OPCML: variants seen among roughly 807,000 people sequenced by gnomAD.
OPCML encodes opioid binding protein/cell adhesion molecule like.
In OPCML, 13 loss-of-function variants were observed where a neutral mutation model predicts 37.8. The observed-to-expected ratio is 0.34, with a 90% CI of 0.22 to 0.55. OPCML has a LOEUF of 0.55. OPCML is among the 20% of genes least tolerant of loss of function. The pLI, the probability that OPCML is intolerant of heterozygous loss-of-function variation, is 0.91. For synonymous variants in OPCML, 176 were observed against 168.8 expected, an observed-to-expected ratio of 1.04 and a Z score of -0.33; for missense variants, 341 against 435.6, an observed-to-expected ratio of 0.78 and a Z score of 1.93.
At chr11:132,756,920 T>C (rs544439661) in intron 2 of OPCML, among the ~76,000 whole-genome samples, 1 of 152,288 alleles carries the variant, frequency 6.6e-6, no homozygotes, top group East Asian at 1.9e-4. Context: ...CCTAATGCTA[T>C]TCCTACCCTT....
rs1591681155 is a variant in OPCML, at chr11:132,655,691, G to C, written c.379+1396C>G. 2.6e-5 allele frequency among the ~76,000 whole-genome samples: 4 copies of C among 152,310 alleles called. No individual in the cohort carries two copies. The South Asian group carries it at 8.3e-4, about 32-fold the overall frequency. ...TGGGGAACAGCAGTGACAGCAGACA[G>C]CTCTCTGGCCCCACACATGCCATTA... is the stretch of plus-strand genomic sequence containing the variant. On this transcript the variant is annotated intron_variant, in intron 3 of 7. Transcript: ENST00000524381.
chr11:133,352,603 A>G (rs1944167412), intron 1 of OPCML, among the ~76,000 whole-genome samples: 2 of 152,224 alleles, frequency 1.3e-5, no homozygotes, highest in Admixed American at 6.5e-5. Context: ...TTCTGAGGAT[A>G]AGGACTTAAC....
At chr11:132,878,722 T>C (rs1298551876) in intron 2 of OPCML, among the ~76,000 whole-genome samples, 1 of 152,158 alleles carries the variant, frequency 6.6e-6, no homozygotes, top group Non-Finnish European at 1.5e-5. Flanking sequence ...TGTCTATCTA[T>C]CTATCTATCT....
chr11:132,943,135 T>C lies in OPCML; in HGVS notation c.62-125A>G, dbSNP rs754340775. The C allele has an allele frequency of 1.1e-5, 17 of 1,607,568 alleles. No homozygotes were observed. Among genetic ancestry groups the C allele is most frequent in the Non-Finnish European group, 1.4e-5 (17 of 1,174,776 alleles). Reference sequence around the variant, plus strand: ...TCCCAGGACTCCGGCAGCCGCACAGTCCTGGTCCCCCGCCCCGCGCACCAG... The same window carrying C: ...TCCCAGGACTCCGGCAGCCGCACAGCCCTGGTCCCCCGCCCCGCGCACCAG... On this transcript the variant is annotated intron_variant, in intron 1 of 7. Coordinates refer to ENST00000524381, the MANE Select transcript of OPCML (RefSeq NM_001012393.5). This position sits in a 1 kb window ranked among gnomAD's most constrained non-coding sequence, Gnocchi z 4.3.
intron 2 of OPCML, among the ~76,000 whole-genome samples, chr11:132,885,009 T>C (rs925028088): frequency 2.0e-5 from 3 of 152,168 alleles, no homozygotes; most frequent in African/African-American, 7.2e-5. Flanking sequence ...CTGACATTGA[T>C]CATGTGCAGT....
chr11:133,484,312 C>G (rs1400488398), intron 1 of OPCML, among the ~76,000 whole-genome samples: 1 of 152,058 alleles, frequency 6.6e-6, no homozygotes, highest in African/African-American at 2.4e-5. Flanking sequence ...AAGGTCTTAA[C>G]TGCGTGGTCC....
At chr11:133,363,923 CGCTT>C (rs750545783) in intron 1 of OPCML, among the ~76,000 whole-genome samples, 4 of 152,188 alleles carry the variant, frequency 2.6e-5, no homozygotes, top group Non-Finnish European at 4.4e-5. Context: ...ACCTCCACCC[CGCTT>C]TCTGCTGGCC....
intron 4 of OPCML, among the ~76,000 whole-genome samples, chr11:132,517,103 G>A (rs952243835): frequency 5.3e-5 from 8 of 152,098 alleles, no homozygotes; most frequent in South Asian, 2.1e-4. Context: ...CATTCTACAC[G>A]GCTCTCAGTT....
At chr11:132,787,470 C>T (rs1947253838) in intron 2 of OPCML, among the ~76,000 whole-genome samples, 1 of 152,018 alleles carries the variant, frequency 6.6e-6, no homozygotes, top group African/African-American at 2.4e-5. Flanking sequence ...AATCGCATAG[C>T]TTTGTTCAGT....
intron 1 of OPCML, among the ~76,000 whole-genome samples, chr11:132,980,985 C>A (rs185777220): frequency 4.6e-5 from 7 of 152,222 alleles, no homozygotes; most frequent in African/African-American, 1.7e-4. Context: ...TATAAACCTG[C>A]AACAGCATGT....
intron 2 of OPCML, among the ~76,000 whole-genome samples, chr11:132,932,399 A>G (rs1215759306): frequency 2.0e-5 from 3 of 152,130 alleles, no homozygotes; most frequent in African/African-American, 4.8e-5. Flanking sequence ...TGGTGGCTAC[A>G]TGGGTAAATA....
chr11:133,211,135 T>G lies in OPCML; in HGVS notation c.62-268125A>C, dbSNP rs1366475868. Reference sequence around the variant, plus strand: ...ACTCAGCTTTCTAATCATTCGTGATTGATGAGCCTGCCAGAAGGAATCAAA... The same window carrying G: ...ACTCAGCTTTCTAATCATTCGTGATGGATGAGCCTGCCAGAAGGAATCAAA... On this transcript the variant is annotated intron_variant, in intron 1 of 7. Transcript: ENST00000524381. The surrounding 1 kb of genome is among the most constrained non-coding windows in gnomAD (Gnocchi z 4.1). Among the ~76,000 whole-genome samples the G allele has an allele frequency of 6.6e-6, 1 of 152,220 alleles. No homozygotes were observed.
chr11:132,633,746 A>T (rs1357098404), intron 3 of OPCML, among the ~76,000 whole-genome samples: 1 of 152,126 alleles, frequency 6.6e-6, no homozygotes, highest in Non-Finnish European at 1.5e-5. Context: ...GGACAGCAGG[A>T]GGGAAAGTAA....
rs1331031981 is a variant in OPCML, at chr11:132,942,950, C to A, written c.122G>T (p.Arg41Leu). The A allele has an allele frequency of 1.2e-6, 2 of 1,614,096 alleles. No individual in the cohort carries two copies. The highest frequency in any genetic ancestry group is 2.2e-5 in the East Asian group (1 of 44,858). ...FPKAMDNVTV[R>L]QGESATLRCT... ...CCTGAGGGTGGCGCTCTCCCCCTGCCGGACCGTCACGTTGTCCATAGCTTT... is the reference window on the plus strand; with the variant it reads ...CCTGAGGGTGGCGCTCTCCCCCTGCAGGACCGTCACGTTGTCCATAGCTTT... Residue 41 changes from arginine (R) to leucine (L), a missense_variant, in exon 2 of 8, where the codon CGG becomes CTG. Transcript: ENST00000524381.
At chr11:132,548,497 C>G (rs1345863318) in intron 3 of OPCML, among the ~76,000 whole-genome samples, 1 of 152,154 alleles carries the variant, frequency 6.6e-6, no homozygotes, top group Non-Finnish European at 1.5e-5. Context: ...TCATTTCCCT[C>G]TCAATTAAAT....
At chr11:132,744,964 C>T (rs772204772) in intron 2 of OPCML, among the ~76,000 whole-genome samples, 8 of 151,800 alleles carry the variant, frequency 5.3e-5, no homozygotes, top group Non-Finnish European at 8.8e-5. Flanking sequence ...TGAACGAGCT[C>T]CTAAATATTC....
chr11:132,989,612 T>C (rs1460033514), intron 1 of OPCML, among the ~76,000 whole-genome samples: 2 of 86,524 alleles, frequency 2.3e-5, no homozygotes, highest in Admixed American at 2.3e-4. Flanking sequence ...CGTGTGTGTG[T>C]GTGTGTGTGT....
At chr11:132,886,575 C>T (rs1943427998) in intron 2 of OPCML, among the ~76,000 whole-genome samples, 1 of 152,230 alleles carries the variant, frequency 6.6e-6, no homozygotes, top group South Asian at 2.1e-4. Context: ...CTGCCCAATC[C>T]AGCTAGGCCA....
rs538475092 is a variant in OPCML, at chr11:133,129,400, C to A, written c.62-186390G>T. ...TGCACCGGATATTGGGTAGAGTACA[C>A]CGAAAGATTTTCAGTAAGGAGGGAT... On this transcript the variant is annotated intron_variant, in intron 1 of 7. Transcript: ENST00000524381. 2.6e-4 allele frequency among the ~76,000 whole-genome samples: 39 copies of A among 152,188 alleles called. No homozygotes were observed. In the South Asian group the frequency reaches 7.9e-3, roughly 31 times the overall value.
Sources: gnomAD v4.1 joint callset for allele counts (sites outside exome capture counted in the v4.1 genomes callset) on GRCh38, gnomAD v4.1.1 for gene constraint, Gnocchi (gnomAD v3.1) non-coding constraint, MANE v1.5 for transcripts, NCBI Gene and HGNC (gene_info 2026-07-23, HGNC 2026-07-21) for gene names.